The following MMP1 variants were observed in gnomAD, a reference collection of about 807,000 sequenced individuals.
The protein encoded by MMP1 is matrix metallopeptidase 1.
In MMP1, 51 loss-of-function variants were observed where a neutral mutation model predicts 49.6. The ratio of observed to expected loss-of-function variants is 1.03; its 90% CI spans 0.82 to 1.30. MMP1 has a LOEUF of 1.30. Among genes scored for constraint, MMP1 ranks in the 50% most tolerant of loss-of-function variants. The pLI is 0.00. For synonymous variants in MMP1, 230 were observed against 196.8 expected (o/e 1.17, Z -1.41); for missense variants, 623 against 568.7 (o/e 1.10, Z -0.97).
rs574269286 is a variant in MMP1 at position 102,790,281 on chromosome 11, G to A, written c.*131C>T. 1.0e-4 allele frequency: 56 copies of A among 542,086 alleles called. No individual in the cohort carries two copies. In the Admixed American group the frequency reaches 1.1e-3, roughly 10 times the overall value. The allele number at this position is 542,086 out of a possible 1,614,324, so 33.6% of individuals were successfully genotyped here. The stretch of plus-strand genomic sequence containing the variant: ...AATAGTAAAAAAATATGCAAACTGA[G>A]GTATAAATAAGATTATATTCTGTGT... On this transcript the variant is annotated 3_prime_UTR_variant, in exon 10 of 10. Coordinates refer to ENST00000315274, the MANE Select transcript of MMP1 (RefSeq NM_002421.4).
Position 102,794,552 on chromosome 11 carries a change from C to T in MMP1, c.899+622G>A, listed in dbSNP as rs941902538. Among the ~76,000 whole-genome samples the T allele has an allele frequency of 6.6e-6, 1 of 152,094 alleles. No individual in the cohort carries two copies. The highest frequency in any genetic ancestry group is 1.5e-5 in the Non-Finnish European group (1 of 68,012). ...AGGGAAGCACCATGTTGTGGCTGCC[C>T]CTATCTGTCCCAGGAGGGATTTCAT... On this transcript the variant is annotated intron_variant, in intron 6 of 9. Transcript: ENST00000315274. The surrounding 1 kb of genome is among the most constrained non-coding windows in gnomAD (Gnocchi z 4.3).
At position 102,795,266 on chromosome 11, in the gene MMP1, G is replaced by A; in HGVS notation, c.807C>T (p.Pro269=). The change falls in exon 6 of 10, where the codon CCC becomes CCT. Residue 269 remains proline (P), a synonymous_variant. Transcript: ENST00000315274. ...ACGCTTTTGGGGTTTGTGGGCCGAT[G>A]GGCTGGACAGGATTTTGGGAACGTC... ...IYGRSQNPVQ[P]IGPQTPKACD... The A allele has an allele frequency of 6.2e-7, 1 of 1,614,034 alleles. No individual in the cohort carries two copies. The highest frequency in any genetic ancestry group is 8.5e-7 in the Non-Finnish European group (1 of 1,179,984).
In MMP1 at chr11:102,797,446, G is replaced by A. The variant is rs141648785; in HGVS notation, c.160C>T (p.Arg54Trp). ...LKNDGRQVEK[R>W]RNSGPVVEKL... ...TCAACCACTGGGCCACTATTTCTCC[G>A]CTTTTCAACTTGCCTCCCATCATTC... Residue 54 changes from arginine to tryptophan, a missense_variant, in exon 2 of 10, where the codon CGG becomes TGG. Transcript: ENST00000315274. 1.4e-4 allele frequency: 223 copies of A among 1,614,086 alleles called. No individual in the cohort carries two copies. In the East Asian group the frequency reaches 3.4e-3, roughly 24 times the overall value.
chr11:102,790,261 T>TA lies in MMP1; in HGVS notation c.*150dup, dbSNP rs1299039709. The TA allele has an allele frequency of 2.7e-5, 14 of 521,110 alleles. No individual in the cohort carries two copies. Among genetic ancestry groups the TA allele is most frequent in the Non-Finnish European group, 4.4e-5 (13 of 293,800 alleles). 32.3% of individuals were successfully genotyped at this position (521,110 alleles called of 1,614,324 possible). ...ACAAAAAGGGCTACATTCTAAATAG[T>TA]AAAAAAATATGCAAACTGAGGTATA... On this transcript the variant is annotated 3_prime_UTR_variant, in exon 10 of 10. Transcript: ENST00000315274.
chr11:102,796,117 AT>A (rs1858182001), intron 4 of MMP1, among the ~76,000 whole-genome samples: 1 of 152,024 alleles, frequency 6.6e-6, no homozygotes, highest in Admixed American at 6.6e-5. Context: ...TGCCTGTCTA[AT>A]TTTTATATTT....
In MMP1 at chr11:102,790,278, T is replaced by G; in HGVS notation, c.*134A>C. 1 of 537,638 alleles carries G rather than the reference T, an allele frequency of 1.9e-6. No homozygotes were observed. The allele number at this position is 537,638 out of a possible 1,614,324, so 33.3% of individuals were successfully genotyped here. ...CTAAATAGTAAAAAAATATGCAAACTGAGGTATAAATAAGATTATATTCTG... is the reference window on the plus strand; with the variant it reads ...CTAAATAGTAAAAAAATATGCAAACGGAGGTATAAATAAGATTATATTCTG... On this transcript the variant is annotated 3_prime_UTR_variant, in exon 10 of 10. Transcript: ENST00000315274.
chr11:102,792,188 T>G (rs1164796312), intron 7 of MMP1, among the ~76,000 whole-genome samples: 1 of 152,222 alleles, frequency 6.6e-6, no homozygotes, highest in Non-Finnish European at 1.5e-5. Context: ...GACCTGCATT[T>G]AATTCTTTGC....
intron 7 of MMP1, 109 bp downstream of exon 7, chr11:102,792,496 G>T: frequency 8.8e-7 from 1 of 1,129,950 alleles, no homozygotes; most frequent in Non-Finnish European, 1.3e-6. Flanking sequence ...GTGAGACTGA[G>T]ATTTTCAAAA....
chr11:102,795,314 AG>A, intron 5 of MMP1, 23 bp from the exon 6 acceptor site: 1 of 1,611,030 alleles, frequency 6.2e-7, no homozygotes, highest in Admixed American at 1.7e-5. Flanking sequence ...AAATACCTAG[AG>A]TTAGTTTTGC....
In MMP1 at chr11:102,792,589, T is replaced by G. The variant is rs372011429; in HGVS notation, c.1033+16A>C. ...ATTGATTTATTAAAGCAGTGAAAAATAATTAGAAAGATTACCTTTGAAAAA... is the reference window on the plus strand; with the variant it reads ...ATTGATTTATTAAAGCAGTGAAAAAGAATTAGAAAGATTACCTTTGAAAAA... On this transcript the variant is annotated intron_variant, in intron 7 of 9. Coordinates refer to ENST00000315274, the MANE Select transcript of MMP1 (RefSeq NM_002421.4). The G allele has an allele frequency of 3.7e-6, 6 of 1,611,790 alleles. No individual in the cohort carries two copies. Among genetic ancestry groups the G allele is most frequent in the Non-Finnish European group, 5.1e-6 (6 of 1,178,650 alleles).
At chr11:102,796,535 A>G in intron 4 of MMP1, 129 bp downstream of exon 4, 1 of 1,093,964 alleles carries the variant, frequency 9.1e-7, no homozygotes, top group Non-Finnish European at 1.2e-6. Context: ...TAAGTGTATC[A>G]CTAATTTTCT....
intron 3 of MMP1, 106 bp downstream of exon 3, chr11:102,796,908 T>C: frequency 6.5e-7 from 1 of 1,531,890 alleles, no homozygotes; most frequent in Non-Finnish European, 8.8e-7. Context: ...GCAGTTTCCC[T>C]CTTCGAGCCC....
Position 102,791,508 on chromosome 11 carries a change from A to AAAGAGTG in MMP1, c.1034-20_1034-14dup. On this transcript the variant is annotated splice_polypyrimidine_tract_variant and intron_variant, in intron 7 of 9. Coordinates refer to ENST00000315274, the MANE Select transcript of MMP1 (RefSeq NM_002421.4). ...CAGTACTTATTCCCTGCCAATCAAG[A>AAAGAGTG]AAGAGTGATAAAACACTTGCCTAAG... The AAAGAGTG allele has an allele frequency of 6.2e-7, 1 of 1,610,624 alleles. No homozygotes were observed. Among genetic ancestry groups the AAAGAGTG allele is most frequent in the Non-Finnish European group, 8.5e-7 (1 of 1,178,418 alleles).
At position 102,797,170 on chromosome 11, in the gene MMP1, T is replaced by C. The variant is rs375963833; in HGVS notation, c.351-8A>G. 43 of 1,613,930 alleles carry C rather than the reference T, an allele frequency of 2.7e-5. No individual in the cohort carries two copies. The African/African-American group carries it at 3.9e-4, about 15-fold the overall frequency. On this transcript the variant is annotated splice_polypyrimidine_tract_variant and splice_region_variant and intron_variant, in intron 2 of 9. Coordinates refer to ENST00000315274, the MANE Select transcript of MMP1 (RefSeq NM_002421.4). ...GGCGTGTAATTTTCAATCCTTAGAA[T>C]GAAACAAAATAGAGACACATTGGAC... is the stretch of plus-strand genomic sequence containing the variant.
chr11:102,795,061 T>A, intron 6 of MMP1, 113 bp downstream of exon 6: 3 of 902,022 alleles, frequency 3.3e-6, no homozygotes, highest in Non-Finnish European at 5.4e-6. Context: ...ACCATGTGAT[T>A]ATAGATGTAA....
chr11:102,791,526 T>C, intron 7 of MMP1, 31 bp from the exon 8 acceptor site: 1 of 1,609,026 alleles, frequency 6.2e-7, no homozygotes, highest in Non-Finnish European at 8.5e-7. Flanking sequence ...ATAAAACACT[T>C]GCCTAAGACT....
In MMP1 at chr11:102,797,055, G is replaced by T; in HGVS notation, c.458C>A (p.Ser153Tyr). 6.2e-7 allele frequency: 1 copy of T among 1,614,140 alleles called. No homozygotes were observed. Among genetic ancestry groups the T allele is most frequent in the Non-Finnish European group, 8.5e-7 (1 of 1,180,018 alleles). The change falls in exon 3 of 10, where the codon TCT becomes TAT. Residue 153 changes from serine (S) to tyrosine (Y), a missense_variant. Physicochemically the swap from Ser to Tyr is moderately radical, Grantham distance 144. Transcript: ENST00000315274. Reference protein sequence around the residue: ...NVTPLTFTKVSEGQADIMISF... With the variant: ...NVTPLTFTKVYEGQADIMISF... ...TATCATGATGTCTGCTTGACCCTCA[G>T]AGACCTTGGTGAATGTCAGAGGTGT...
At chr11:102,797,893 T>G in intron 1 of MMP1, 95 bp downstream of exon 1, 1 of 945,858 alleles carries the variant, frequency 1.1e-6, no homozygotes, top group Non-Finnish European at 1.5e-6. Context: ...AAAATCTCTT[T>G]ATAAGAAACC....
At position 102,796,691 on chromosome 11, in the gene MMP1, C is replaced by A; in HGVS notation, c.598G>T (p.Asp200Tyr). ...CTGAAATTGTTGGTCCACCTTTCAT[C>A]TTCATCAAAATGAGCATCCCCTCCA... is the stretch of plus-strand genomic sequence containing the variant. ...GIGGDAHFDE[D>Y]ERWTNNFREY... Residue 200 changes from aspartate to tyrosine, a missense_variant, in exon 4 of 10, where the codon GAT becomes TAT. Transcript: ENST00000315274. 6.2e-7 allele frequency: 1 copy of A among 1,613,932 alleles called. No individual in the cohort carries two copies. The highest frequency in any genetic ancestry group is 8.5e-7 in the Non-Finnish European group (1 of 1,179,914).
Sources: gnomAD v4.1 joint callset for allele counts (sites outside exome capture counted in the v4.1 genomes callset) on GRCh38, gnomAD v4.1.1 for gene constraint, Gnocchi (gnomAD v3.1) non-coding constraint, MANE v1.5 for transcripts, NCBI Gene and HGNC (gene_info 2026-07-23, HGNC 2026-07-21) for gene names.